The following PLA2G4A variants were observed in gnomAD, a reference collection of about 807,000 sequenced individuals.
PLA2G4A encodes phospholipase A2 group IVA.
Under a neutral mutation model 81.9 loss-of-function variants are expected in PLA2G4A, and 40 were observed. The ratio of observed to expected loss-of-function variants is 0.49; its 90% CI spans 0.38 to 0.64. The LOEUF (loss-of-function observed/expected upper bound fraction) is 0.64, where lower values mean the gene tolerates loss of function less well. Ranked by LOEUF, PLA2G4A falls within the 30% of genes least tolerant of loss-of-function variation. PLA2G4A has a pLI of 0.00. For synonymous variants in PLA2G4A, 302 were observed against 296.9 expected, an observed-to-expected ratio of 1.02 and a Z score of -0.18; for missense variants, 715 against 905.1, an observed-to-expected ratio of 0.79 and a Z score of 2.69.
At chr1:186,848,637 C>A (rs957784467) in intron 1 of PLA2G4A, among the ~76,000 whole-genome samples, 3 of 152,006 alleles carry the variant, frequency 2.0e-5, no homozygotes, top group Non-Finnish European at 4.4e-5. Flanking sequence ...AATCAAAGAA[C>A]AAGACAAAGT....
Position 186,857,084 on chromosome 1 carries a change from T to TTATATAATATATAAC in PLA2G4A, c.33+2697_33+2698insTATATAATATATAAC, listed in dbSNP as rs1417202323. ...ATGCAGCCCCCACATATATTATACA[T>TTATATAATATATAAC]ATATAATATATAATATAATTATATA... On this transcript the variant is annotated intron_variant, in intron 2 of 17. Coordinates refer to ENST00000367466, the MANE Select transcript of PLA2G4A (RefSeq NM_024420.3). Among the ~76,000 whole-genome samples, 2 of 4,586 alleles carry TTATATAATATATAAC rather than the reference T, an allele frequency of 4.4e-4. 1 individual carries two copies. Among genetic ancestry groups the TTATATAATATATAAC allele is most frequent in the African/African-American group, 3.3e-3 (2 of 614 alleles). The allele number at this position is 4,586 out of a possible 152,430, so 3.0% of individuals were successfully genotyped here.
intron 15 of PLA2G4A, among the ~76,000 whole-genome samples, chr1:186,969,851 A>C: frequency 6.6e-6 from 1 of 151,980 alleles, no homozygotes; most frequent in Non-Finnish European, 1.5e-5. Context: ...GGCTATTGTG[A>C]ATAGTGCTGC....
intron 3 of PLA2G4A, 38 bp downstream of exon 3, chr1:186,870,554 T>G: frequency 7.1e-7 from 1 of 1,405,606 alleles, no homozygotes; most frequent in Non-Finnish European, 1.0e-6. Context: ...AAACATGTAA[T>G]TATGGTTCAG....
chr1:186,924,680 C>T (rs1571406645), intron 7 of PLA2G4A, among the ~76,000 whole-genome samples: 1 of 152,118 alleles, frequency 6.6e-6, no homozygotes, highest in South Asian at 2.1e-4. Flanking sequence ...TCAAATGATC[C>T]TCCTGCCTCG....
chr1:186,958,249 T>C (rs1307923717), intron 14 of PLA2G4A, among the ~76,000 whole-genome samples: 1 of 152,224 alleles, frequency 6.6e-6, no homozygotes, highest in Non-Finnish European at 1.5e-5. Context: ...TTATATAGCA[T>C]ATTAACTAAT....
At chr1:186,857,173 A>AT (rs1652602798) in intron 2 of PLA2G4A, among the ~76,000 whole-genome samples, 1 of 46,070 alleles carries the variant, frequency 2.2e-5, no homozygotes, top group African/African-American at 7.8e-5. Context: ...ATATAATTAT[A>AT]TAATATGTCT....
At chr1:186,897,180 C>T (rs551108226) in intron 5 of PLA2G4A, among the ~76,000 whole-genome samples, 2 of 152,250 alleles carry the variant, frequency 1.3e-5, no homozygotes, top group South Asian at 4.1e-4. Flanking sequence ...GTCATCCAAA[C>T]GTTAATACTG....
At chr1:186,893,968 A>G in intron 4 of PLA2G4A, 130 bp from the exon 5 acceptor site, 3 of 652,108 alleles carry the variant, frequency 4.6e-6, no homozygotes, top group Non-Finnish European at 8.2e-6. Flanking sequence ...CTAATTAAAT[A>G]TTGAGATCTT....
chr1:186,921,180 T>C (rs985634544), intron 7 of PLA2G4A, among the ~76,000 whole-genome samples: 5 of 152,156 alleles, frequency 3.3e-5, no homozygotes, highest in South Asian at 2.1e-4. Context: ...TCAGGTCCCA[T>C]TGGGGGTCTG....
chr1:186,868,231 T>C (rs2102054669), intron 2 of PLA2G4A, among the ~76,000 whole-genome samples: 1 of 151,926 alleles, frequency 6.6e-6, no homozygotes, highest in East Asian at 1.9e-4. Context: ...CACACCACCA[T>C]GCCCGGCTAA....
At chr1:186,970,292 T>C (rs999511715) in intron 15 of PLA2G4A, among the ~76,000 whole-genome samples, 3 of 152,028 alleles carry the variant, frequency 2.0e-5, no homozygotes, top group Non-Finnish European at 4.4e-5. Flanking sequence ...GCTTCTTATA[T>C]ATTCTGTGTA....
In PLA2G4A at chr1:186,988,392, A is replaced by G. The variant is rs1478430591; in HGVS notation, c.2134A>G (p.Met712Val). ...CTATTTGCAGGTGATAAAAGAAGCC[A>G]TGGTTGAAAGCATTGAATATAGAAG... Reference protein sequence around the residue: ...LNNIDVIKEAMVESIEYRRQN... With the variant: ...LNNIDVIKEAVVESIEYRRQN... Residue 712 changes from methionine to valine, a missense_variant, in exon 18 of 18, where the codon ATG (methionine) becomes GTG (valine). Met to Val is a conservative substitution (Grantham distance 21, BLOSUM62 1). Transcript: ENST00000367466. The G allele has an allele frequency of 6.2e-7, 1 of 1,611,900 alleles. No homozygotes were observed. The highest frequency in any genetic ancestry group is 1.3e-5 in the African/African-American group (1 of 74,898).
intron 7 of PLA2G4A, among the ~76,000 whole-genome samples, chr1:186,928,050 A>G (rs1340201865): frequency 1.3e-5 from 2 of 152,162 alleles, no homozygotes; most frequent in Non-Finnish European, 2.9e-5. Flanking sequence ...TGCAAAGGTC[A>G]GGTTTCAGGA....
intron 6 of PLA2G4A, among the ~76,000 whole-genome samples, chr1:186,908,300 A>G (rs1278958373): frequency 6.6e-6 from 1 of 152,076 alleles, no homozygotes; most frequent in Admixed American, 6.5e-5. Flanking sequence ...TAAAACATCT[A>G]GGTCATTATA....
At chr1:186,876,299 G>A (rs10911939) in intron 3 of PLA2G4A, among the ~76,000 whole-genome samples, 7,295 of 152,184 alleles carry the variant, frequency 0.048, 556 homozygotes, top group African/African-American at 0.16. Flanking sequence ...ATCACGCTGT[G>A]TTGCTTTTTA....
intron 15 of PLA2G4A, among the ~76,000 whole-genome samples, chr1:186,968,570 A>G (rs1657220765): frequency 6.6e-6 from 1 of 151,746 alleles, no homozygotes; most frequent in Admixed American, 6.6e-5. Flanking sequence ...TATAAAAGAT[A>G]TATAAGATGT....
intron 1 of PLA2G4A, among the ~76,000 whole-genome samples, chr1:186,844,976 A>G (rs1330657346): frequency 6.6e-6 from 1 of 152,118 alleles, no homozygotes; most frequent in Non-Finnish European, 1.5e-5. Flanking sequence ...TTGGGAGGCC[A>G]AGGCAGGTGG....
chr1:186,984,546 T>C (rs1159972932), intron 17 of PLA2G4A, among the ~76,000 whole-genome samples: 1 of 152,218 alleles, frequency 6.6e-6, no homozygotes, highest in African/African-American at 2.4e-5. Flanking sequence ...TGAGGATACA[T>C]CCATATCCAG....
At chr1:186,859,424 A>G (rs1176900894) in intron 2 of PLA2G4A, among the ~76,000 whole-genome samples, 1 of 152,176 alleles carries the variant, frequency 6.6e-6, no homozygotes, top group Non-Finnish European at 1.5e-5. Flanking sequence ...GAAGAAGTCA[A>G]GTATAAAATA....
Sources: gnomAD v4.1 joint callset for allele counts (sites outside exome capture counted in the v4.1 genomes callset) on GRCh38, gnomAD v4.1.1 for gene constraint, MANE v1.5 for transcripts, NCBI Gene and HGNC (gene_info 2026-07-23, HGNC 2026-07-21) for gene names.